The following BRIP1 variants were observed in gnomAD, a reference collection of about 807,000 sequenced individuals.
BRIP1 encodes Fanconi anemia group J protein.
A neutral mutation model predicts 119.7 loss-of-function variants in BRIP1; 88 were observed. The ratio of observed to expected loss-of-function variants is 0.74; its 90% CI spans 0.62 to 0.88. The LOEUF (loss-of-function observed/expected upper bound fraction) is 0.88, where lower values mean the gene tolerates loss of function less well. Ranked by LOEUF, BRIP1 falls within the 40% of genes least tolerant of loss-of-function variation. BRIP1 has a pLI of 0.00. For missense variants in BRIP1, 1,259 were observed against 1,455.4 expected, an observed-to-expected ratio of 0.87 and a Z score of 2.20; for synonymous variants, 443 against 496.5, an observed-to-expected ratio of 0.89 and a Z score of 1.43.
chr17:61,782,606 A>G (rs1043612002), intron 11 of BRIP1, among the ~76,000 whole-genome samples: 30 of 152,138 alleles, frequency 2.0e-4, no homozygotes, highest in African/African-American at 7.2e-4. Context: ...TGTAAAGTAT[A>G]TATCTCTTAC....
rs943773376 is a variant in BRIP1, at chr17:61,686,923, T to C, written c.2576-758A>G. 3.3e-5 allele frequency among the ~76,000 whole-genome samples: 5 copies of C among 152,186 alleles called. No homozygotes were observed. The highest frequency in any genetic ancestry group is 9.7e-5 in the African/African-American group (4 of 41,444). ...CACTACTAAAACTAGCATCATCTTT[T>C]GGAGGAATTAGTTTTAAAAGTCACT... On this transcript the variant is annotated intron_variant, in intron 18 of 19. Transcript: ENST00000259008. This position sits in a 1 kb window ranked among gnomAD's most constrained non-coding sequence, Gnocchi z 5.4.
Position 61,680,631 on chromosome 17 carries a change from C to T in BRIP1, c.*2665G>A, listed in dbSNP as rs567544622. Among the ~76,000 whole-genome samples the T allele has an allele frequency of 6.6e-6, 1 of 151,880 alleles. No homozygotes were observed. Among genetic ancestry groups the T allele is most frequent in the East Asian group, 2.0e-4 (1 of 5,094 alleles). ...AGTAGCTGGGACTACAGGCGCCCGC[C>T]ACCACGCCTGGCTAATTTTTTGTAT... On this transcript the variant is annotated 3_prime_UTR_variant, in exon 20 of 20. Coordinates refer to ENST00000259008, the MANE Select transcript of BRIP1 (RefSeq NM_032043.3).
In BRIP1 at chr17:61,831,962, A is replaced by G. The variant is rs1299816343; in HGVS notation, c.627+15139T>C. Reference sequence around the variant, plus strand: ...AATATAGACATAAATGTATATGTCTATGAGTCTGGGTTTGTGTACACAATA... The same window carrying G: ...AATATAGACATAAATGTATATGTCTGTGAGTCTGGGTTTGTGTACACAATA... On this transcript the variant is annotated intron_variant, in intron 6 of 19. Coordinates refer to ENST00000259008, the MANE Select transcript of BRIP1 (RefSeq NM_032043.3). This position sits in a 1 kb window ranked among gnomAD's most constrained non-coding sequence, Gnocchi z 4.1. Among the ~76,000 whole-genome samples the G allele has an allele frequency of 1.3e-5, 2 of 152,198 alleles. No homozygotes were observed. Among genetic ancestry groups the G allele is most frequent in the Non-Finnish European group, 2.9e-5 (2 of 68,032 alleles).
chr17:61,749,264 G>C (rs2159450), intron 14 of BRIP1, among the ~76,000 whole-genome samples: 3 of 151,882 alleles, frequency 2.0e-5, no homozygotes, highest in African/African-American at 7.3e-5. Flanking sequence ...TAAAACCTAC[G>C]ATTGGGACCA....
Position 61,776,280 on chromosome 17 carries a change from A to G in BRIP1, c.2097+121T>C, listed in dbSNP as rs1291735104. On this transcript the variant is annotated intron_variant, in intron 14 of 19. Coordinates refer to ENST00000259008, the MANE Select transcript of BRIP1 (RefSeq NM_032043.3). This position sits in a 1 kb window ranked among gnomAD's most constrained non-coding sequence, Gnocchi z 5.0. ...TAATATGTGATGTTTAGAAAACTAT[A>G]GTTATTACCTTGTTGCCTCTACCCT... 1.6e-5 allele frequency: 17 copies of G among 1,034,728 alleles called. No individual in the cohort carries two copies. The highest frequency in any genetic ancestry group is 4.9e-5 in the African/African-American group (3 of 61,216). 64.1% of individuals were successfully genotyped at this position (1,034,728 alleles called of 1,614,324 possible).
Position 61,713,515 on chromosome 17 carries a change from T to C in BRIP1, c.2492+2436A>G, listed in dbSNP as rs1284233429. On this transcript the variant is annotated intron_variant, in intron 17 of 19. Coordinates refer to ENST00000259008, the MANE Select transcript of BRIP1 (RefSeq NM_032043.3). The surrounding 1 kb of genome is among the most constrained non-coding windows in gnomAD (Gnocchi z 4.9). ...AGGCCTAGGATACTACATGAGTGTT[T>C]ATGTCTTCATTTTTTTTTTTTTTTG... Among the ~76,000 whole-genome samples the C allele has an allele frequency of 2.0e-5, 3 of 151,828 alleles. No homozygotes were observed. Among genetic ancestry groups the C allele is most frequent in the Non-Finnish European group, 4.4e-5 (3 of 67,918 alleles).
chr17:61,721,252 A>G (rs2061968414), intron 16 of BRIP1, among the ~76,000 whole-genome samples: 1 of 151,158 alleles, frequency 6.6e-6, no homozygotes, highest in South Asian at 2.1e-4. Flanking sequence ...TCTTACTGTA[A>G]AAATAAAATC....
chr17:61,786,985 T>TAA (rs2077726834), intron 10 of BRIP1, among the ~76,000 whole-genome samples: 1 of 7,098 alleles, frequency 1.4e-4, no homozygotes. Flanking sequence ...TATAAATTTA[T>TAA]ATAAATTTAT....
intron 17 of BRIP1, among the ~76,000 whole-genome samples, chr17:61,697,703 G>T: frequency 6.7e-6 from 1 of 149,272 alleles, no homozygotes. Context: ...TCCTTTAATT[G>T]CCTCGCTTTG....
At position 61,805,610 on chromosome 17, in the gene BRIP1, A is replaced by C. The variant is rs890947918; in HGVS notation, c.918+2857T>G. 6.6e-6 allele frequency among the ~76,000 whole-genome samples: 1 copy of C among 152,180 alleles called. No homozygotes were observed. The highest frequency in any genetic ancestry group is 2.4e-5 in the African/African-American group (1 of 41,446). On this transcript the variant is annotated intron_variant, in intron 7 of 19. Transcript: ENST00000259008. This position sits in a 1 kb window ranked among gnomAD's most constrained non-coding sequence, Gnocchi z 5.6. ...ATTTTTCTCATGTGACTAAGCATCA[A>C]AAGAATATTTGAACCAGAAGGCTTG...
At position 61,686,443 on chromosome 17, in the gene BRIP1, A is replaced by G. The variant is rs533770116; in HGVS notation, c.2576-278T>C. Among the ~76,000 whole-genome samples, 2 of 152,186 alleles carry G rather than the reference A, an allele frequency of 1.3e-5. No homozygotes were observed. Among genetic ancestry groups the G allele is most frequent in the African/African-American group, 2.4e-5 (1 of 41,458 alleles). ...AGATGGGAAAACATATTCTCTGGTT[A>G]AGAATAACTGGTGAACATGGCAAAT... is the stretch of plus-strand genomic sequence containing the variant. On this transcript the variant is annotated intron_variant, in intron 18 of 19. Transcript: ENST00000259008. This position sits in a 1 kb window ranked among gnomAD's most constrained non-coding sequence, Gnocchi z 5.4.
At chr17:61,849,282 A>G in intron 4 of BRIP1, 26 bp from the exon 5 acceptor site, 1 of 1,600,164 alleles carries the variant, frequency 6.2e-7, no homozygotes, top group Non-Finnish European at 8.5e-7. Flanking sequence ...TAAAAAAAAC[A>G]GCATAAATAA....
chr17:61,687,037 G>T lies in BRIP1; in HGVS notation c.2576-872C>A, dbSNP rs1266830614. On this transcript the variant is annotated intron_variant, in intron 18 of 19. Transcript: ENST00000259008. This position sits in a 1 kb window ranked among gnomAD's most constrained non-coding sequence, Gnocchi z 5.1. Reference sequence around the variant, plus strand: ...TGAAGTTTTTTATTTTGTTCATTTGGGGAATATGATTAGACCATAAAAATA... The same window carrying T: ...TGAAGTTTTTTATTTTGTTCATTTGTGGAATATGATTAGACCATAAAAATA... 6.6e-6 allele frequency among the ~76,000 whole-genome samples: 1 copy of T among 151,872 alleles called. No homozygotes were observed. Among genetic ancestry groups the T allele is most frequent in the Non-Finnish European group, 1.5e-5 (1 of 67,996 alleles).
At chr17:61,819,193 A>C (rs913938374) in intron 6 of BRIP1, among the ~76,000 whole-genome samples, 21 of 152,212 alleles carry the variant, frequency 1.4e-4, no homozygotes, top group African/African-American at 2.6e-4. Context: ...CTCAAAAAAA[A>C]AAAAAAAAGG....
In BRIP1 at chr17:61,846,088, A is replaced by C. The variant is rs551804470; in HGVS notation, c.627+1013T>G. On this transcript the variant is annotated intron_variant, in intron 6 of 19. Coordinates refer to ENST00000259008, the MANE Select transcript of BRIP1 (RefSeq NM_032043.3). The surrounding 1 kb of genome is among the most constrained non-coding windows in gnomAD (Gnocchi z 4.3). ...TCCCAACTACTCGGGAGGTTGAGGC[A>C]GGAGAATGGCATGAACCCAGGAGGC... Among the ~76,000 whole-genome samples, 10 of 152,246 alleles carry C rather than the reference A, an allele frequency of 6.6e-5. No individual in the cohort carries two copies. In the East Asian group the frequency reaches 1.9e-3, roughly 29 times the overall value.
chr17:61,783,385 G>A (rs151235052), intron 11 of BRIP1, among the ~76,000 whole-genome samples: 4 of 152,262 alleles, frequency 2.6e-5, no homozygotes, highest in African/African-American at 9.6e-5. Flanking sequence ...AGGTTAGCAG[G>A]TGATGAGGGG....
At chr17:61,800,573 A>AT (rs902865654) in intron 8 of BRIP1, among the ~76,000 whole-genome samples, 39 of 152,328 alleles carry the variant, frequency 2.6e-4, no homozygotes, top group Non-Finnish European at 5.6e-4. Flanking sequence ...GAAGCAATAG[A>AT]TTTTTAGGCA....
rs1037953179 is a variant in BRIP1, at chr17:61,691,830, G to C, written c.2575+1600C>G. On this transcript the variant is annotated intron_variant, in intron 18 of 19. Transcript: ENST00000259008. The surrounding 1 kb of genome is among the most constrained non-coding windows in gnomAD (Gnocchi z 5.0). Reference sequence around the variant, plus strand: ...CTTGAGAAAAATGATAAAAGCTGCAGGCATCATACCTCCCGATTATAAAAT... The same window carrying C: ...CTTGAGAAAAATGATAAAAGCTGCACGCATCATACCTCCCGATTATAAAAT... Among the ~76,000 whole-genome samples the C allele has an allele frequency of 7.2e-5, 11 of 152,134 alleles. No individual in the cohort carries two copies. Among genetic ancestry groups the C allele is most frequent in the Admixed American group, 6.6e-4 (10 of 15,266 alleles).
At position 61,799,048 on chromosome 17, in the gene BRIP1, A is replaced by G; in HGVS notation, c.1340+52T>C. 6.6e-7 allele frequency: 1 copy of G among 1,523,722 alleles called. No individual in the cohort carries two copies. Among genetic ancestry groups the G allele is most frequent in the Non-Finnish European group, 9.1e-7 (1 of 1,098,654 alleles). 94.4% of individuals were successfully genotyped at this position (1,523,722 alleles called of 1,614,324 possible). On this transcript the variant is annotated intron_variant, in intron 9 of 19. Coordinates refer to ENST00000259008, the MANE Select transcript of BRIP1 (RefSeq NM_032043.3). This position sits in a 1 kb window ranked among gnomAD's most constrained non-coding sequence, Gnocchi z 5.1. Reference sequence around the variant, plus strand: ...TTTAAATACTCTGGCATAATCAAACATATTTTTCATATAAAGGCAGCACAA... The same window carrying G: ...TTTAAATACTCTGGCATAATCAAACGTATTTTTCATATAAAGGCAGCACAA...
Sources: allele counts gnomAD v4.1 joint callset (sites outside exome capture counted in the v4.1 genomes callset), GRCh38; gene constraint gnomAD v4.1.1; non-coding constraint Gnocchi (gnomAD v3.1); transcripts MANE v1.5; gene names NCBI Gene and HGNC (gene_info 2026-07-23, HGNC 2026-07-21).